Variants in ROBO2 observed in about 807,000 individuals in gnomAD.
ROBO2 encodes roundabout guidance receptor 2.
Under a neutral mutation model 160.8 loss-of-function variants are expected in ROBO2, and 53 were observed. The observed-to-expected ratio is 0.33, with a 90% CI of 0.26 to 0.41. The LOEUF is 0.41. ROBO2 is among the 10% of genes least tolerant of loss of function. The pLI is 1.00. For missense variants in ROBO2, 1,577 were observed against 1,722.4 expected (o/e 0.92, Z 1.49); for synonymous variants, 664 against 611.7 (o/e 1.09, Z -1.26).
chr3:76,382,488 G>T (rs2076683016), intron 2 of ROBO2, among the ~76,000 whole-genome samples: 1 of 152,212 alleles, frequency 6.6e-6, no homozygotes, highest in Admixed American at 6.5e-5. Context: ...TCGGGAGGCT[G>T]AGGCAGGAGA....
chr3:76,335,129 A>G (rs1409639926), intron 2 of ROBO2, among the ~76,000 whole-genome samples: 1 of 150,610 alleles, frequency 6.6e-6, no homozygotes, highest in Admixed American at 6.6e-5. Context: ...TACCTCCAAA[A>G]GTTCTGGGAT....
intron 6 of ROBO2, among the ~76,000 whole-genome samples, chr3:77,544,962 C>T (rs190916382): frequency 2.2e-3 from 340 of 152,102 alleles, no homozygotes; most frequent in African/African-American, 7.2e-3. Context: ...GATCATTAGA[C>T]CACCATTTAA....
chr3:77,398,844 C>T (rs9834765), intron 2 of ROBO2, among the ~76,000 whole-genome samples: 18,024 of 152,160 alleles, frequency 0.12, 1,345 homozygotes, highest in East Asian at 0.28. Context: ...CTCAGCCTCC[C>T]AAAGTGCTGG....
At chr3:77,175,450 T>C (rs947955106) in intron 2 of ROBO2, among the ~76,000 whole-genome samples, 1 of 152,056 alleles carries the variant, frequency 6.6e-6, no homozygotes, top group Non-Finnish European at 1.5e-5. Context: ...TGAAGAATTC[T>C]GACTTAATTT....
chr3:77,294,973 A>G (rs1156374736), intron 2 of ROBO2, among the ~76,000 whole-genome samples: 1 of 151,446 alleles, frequency 6.6e-6, no homozygotes, highest in Non-Finnish European at 1.5e-5. Flanking sequence ...TAGATCACCA[A>G]AGACATAAAG....
chr3:76,285,496 T>C (rs1484027769), intron 2 of ROBO2, among the ~76,000 whole-genome samples: 1 of 152,024 alleles, frequency 6.6e-6, no homozygotes, highest in African/African-American at 2.4e-5. Context: ...TATTTTACTA[T>C]TAAAATATTT....
intron 2 of ROBO2, among the ~76,000 whole-genome samples, chr3:76,860,640 T>C (rs748089837): frequency 1.4e-4 from 22 of 152,194 alleles, no homozygotes; most frequent in Non-Finnish European, 2.9e-4. Context: ...TCCTCGTCAT[T>C]GTCTGCCAAC....
chr3:75,949,328 A>G (rs1948447480), intron 2 of ROBO2, among the ~76,000 whole-genome samples: 1 of 151,906 alleles, frequency 6.6e-6, no homozygotes, highest in Admixed American at 6.6e-5. Context: ...TTGTTTTCTA[A>G]TAATTACTAT....
At chr3:76,932,545 T>A (rs9847618) in intron 2 of ROBO2, among the ~76,000 whole-genome samples, 2 of 151,838 alleles carry the variant, frequency 1.3e-5, no homozygotes, top group Admixed American at 6.6e-5. Flanking sequence ...TCTTTTGGAC[T>A]CCAAAGCCTA....
At chr3:76,785,718 T>C (rs564770071) in intron 2 of ROBO2, among the ~76,000 whole-genome samples, 5 of 151,368 alleles carry the variant, frequency 3.3e-5, no homozygotes, top group East Asian at 2.0e-4. Context: ...TTCATAATTT[T>C]CACTCCTCCC....
intron 2 of ROBO2, among the ~76,000 whole-genome samples, chr3:76,350,757 A>T (rs1490319159): frequency 6.6e-6 from 1 of 151,984 alleles, no homozygotes; most frequent in Non-Finnish European, 1.5e-5. Context: ...AAGAGAAATC[A>T]GTAAAGACTT....
chr3:77,518,687 T>C (rs950279276), intron 5 of ROBO2, among the ~76,000 whole-genome samples: 1 of 151,482 alleles, frequency 6.6e-6, no homozygotes, highest in African/African-American at 2.4e-5. Flanking sequence ...TGCGTAGATA[T>C]GTCATCAGCA....
At chr3:77,468,219 A>G (rs913457710) in intron 2 of ROBO2, among the ~76,000 whole-genome samples, 1 of 152,210 alleles carries the variant, frequency 6.6e-6, no homozygotes, top group Non-Finnish European at 1.5e-5. Flanking sequence ...CCTGTCAAAT[A>G]TCACATGCTA....
At chr3:76,457,485 C>G (rs934264903) in intron 2 of ROBO2, among the ~76,000 whole-genome samples, 7 of 152,166 alleles carry the variant, frequency 4.6e-5, no homozygotes, top group African/African-American at 9.7e-5. Flanking sequence ...CAGCCTCCCT[C>G]CCTGCTGCTT....
chr3:77,318,919 A>AT (rs1560522625), intron 2 of ROBO2, among the ~76,000 whole-genome samples: 1 of 152,180 alleles, frequency 6.6e-6, no homozygotes, highest in Non-Finnish European at 1.5e-5. Context: ...GCTTTAGTGC[A>AT]TTTGAGACTC....
chr3:77,635,842 T>A (rs143612576), intron 24 of ROBO2, among the ~76,000 whole-genome samples: 9 of 152,280 alleles, frequency 5.9e-5, no homozygotes, highest in Non-Finnish European at 1.2e-4. Context: ...CATCATTAAG[T>A]GACATGTGAC....
At chr3:76,840,209 CT>C (rs936091132) in intron 2 of ROBO2, among the ~76,000 whole-genome samples, 2 of 151,252 alleles carry the variant, frequency 1.3e-5, no homozygotes, top group African/African-American at 4.8e-5. Context: ...TGTTTTATTT[CT>C]TTTTTTTCCG....
intron 2 of ROBO2, among the ~76,000 whole-genome samples, chr3:77,248,120 C>A (rs1375816791): frequency 6.6e-6 from 1 of 152,142 alleles, no homozygotes; most frequent in East Asian, 1.9e-4. Context: ...TTCAGAGGGA[C>A]AGCTTAACGG....
chr3:76,618,752 G>C (rs1338185457), intron 2 of ROBO2, among the ~76,000 whole-genome samples: 1 of 151,608 alleles, frequency 6.6e-6, no homozygotes. Flanking sequence ...ACAATTGACG[G>C]ATCCTGATAA....
Sources: allele counts gnomAD v4.1 joint callset (sites outside exome capture counted in the v4.1 genomes callset), GRCh38; gene constraint gnomAD v4.1.1; transcripts MANE v1.5; gene names NCBI Gene and HGNC (gene_info 2026-07-23, HGNC 2026-07-21).